Variants in C12orf42 observed in about 807,000 individuals in gnomAD.
The protein encoded by C12orf42 is uncharacterized protein C12orf42.
In C12orf42, 25 loss-of-function variants were observed where a neutral mutation model predicts 21.6. The ratio of observed to expected loss-of-function variants is 1.16; its 90% CI spans 0.84 to 1.62. C12orf42 has a LOEUF of 1.62. Ranked by LOEUF, C12orf42 falls within the 40% of genes most tolerant of loss-of-function variation. The pLI is 0.00. For synonymous variants in C12orf42, 174 were observed against 175.0 expected (o/e 0.99, Z 0.05); for missense variants, 483 against 459.3 (o/e 1.05, Z -0.47).
chr12:103,498,329 A>G (rs949653446), upstream of C12orf42, among the ~76,000 whole-genome samples: 1 of 152,286 alleles, frequency 6.6e-6, no homozygotes, highest in African/African-American at 2.4e-5. Flanking sequence ...TATGGCACAT[A>G]GCAGATGCTC....
At chr12:103,396,153 T>C (rs2047514191) in intron 3 of C12orf42, among the ~76,000 whole-genome samples, 1 of 151,966 alleles carries the variant, frequency 6.6e-6, no homozygotes, top group Non-Finnish European at 1.5e-5. Context: ...AAATCTCATC[T>C]TAAATTGTAA....
chr12:103,072,011 A>G, the C12orf42 span, among the ~76,000 whole-genome samples: 2 of 152,272 alleles, frequency 1.3e-5, no homozygotes, highest in African/African-American at 4.8e-5. Context: ...CATCATCTCT[A>G]TCTGTTCCTG....
chr12:103,373,159 T>C (rs1490416468), intron 3 of C12orf42, among the ~76,000 whole-genome samples: 1 of 152,156 alleles, frequency 6.6e-6, no homozygotes, highest in East Asian at 1.9e-4. Context: ...CTTTTTTCTT[T>C]TAAGATGTGC....
intron 4 of C12orf42, among the ~76,000 whole-genome samples, chr12:103,320,904 A>T (rs2040022492): frequency 6.6e-6 from 1 of 152,174 alleles, no homozygotes; most frequent in Non-Finnish European, 1.5e-5. Context: ...TTTAAAAAAA[A>T]ATAGTTGTAA....
At chr12:103,332,497 C>A (rs1031924135) in intron 4 of C12orf42, among the ~76,000 whole-genome samples, 12 of 152,234 alleles carry the variant, frequency 7.9e-5, no homozygotes, top group Non-Finnish European at 1.8e-4. Context: ...GCTGTAATAG[C>A]CACCCGAGTC....
the C12orf42 span, among the ~76,000 whole-genome samples, chr12:103,560,367 A>G: frequency 7.6e-5 from 11 of 145,186 alleles, no homozygotes; most frequent in East Asian, 2.0e-4. Context: ...TCTGATGCTT[A>G]CTAGCCAAGT....
At chr12:103,228,763 G>C in the C12orf42 span, among the ~76,000 whole-genome samples, 1 of 151,572 alleles carries the variant, frequency 6.6e-6, no homozygotes, top group Non-Finnish European at 1.5e-5. Context: ...TCCTGTCTCT[G>C]TATGGATGGA....
At chr12:103,103,968 T>C in the C12orf42 span, among the ~76,000 whole-genome samples, 4 of 152,160 alleles carry the variant, frequency 2.6e-5, no homozygotes, top group Non-Finnish European at 5.9e-5. Context: ...GCCCAATAGC[T>C]CACATTTATT....
chr12:103,453,381 G>A (rs1952081354), intron 2 of C12orf42, among the ~76,000 whole-genome samples: 1 of 151,564 alleles, frequency 6.6e-6, no homozygotes, highest in Non-Finnish European at 1.5e-5. Context: ...ACTCATCTCT[G>A]TGTCTGTAAT....
the C12orf42 span, among the ~76,000 whole-genome samples, chr12:103,092,169 A>C: frequency 6.6e-6 from 1 of 152,216 alleles, no homozygotes; most frequent in African/African-American, 2.4e-5. Flanking sequence ...AGGACTCAAG[A>C]GATTTCTATT....
At chr12:103,440,476 A>G (rs952971549) in intron 2 of C12orf42, among the ~76,000 whole-genome samples, 11 of 146,930 alleles carry the variant, frequency 7.5e-5, no homozygotes, top group South Asian at 2.1e-4. Context: ...AAAAAAAAAA[A>G]AAAGAAACTC....
the C12orf42 span, among the ~76,000 whole-genome samples, chr12:103,226,911 G>T: frequency 3.9e-5 from 6 of 152,280 alleles, no homozygotes; most frequent in South Asian, 1.2e-3. Flanking sequence ...ATGCCTGGAC[G>T]TCAGGCACCT....
At chr12:103,449,799 C>G (rs536568708) in intron 2 of C12orf42, among the ~76,000 whole-genome samples, 9 of 149,678 alleles carry the variant, frequency 6.0e-5, no homozygotes, top group Non-Finnish European at 1.2e-4. Flanking sequence ...TTTTCTAGTT[C>G]CATTTGAAAA....
At chr12:103,431,856 G>A (rs1478059339) in intron 2 of C12orf42, among the ~76,000 whole-genome samples, 1 of 152,188 alleles carries the variant, frequency 6.6e-6, no homozygotes, top group Non-Finnish European at 1.5e-5. Context: ...GCCTCCTCAG[G>A]AGAAAGAATT....
intron 2 of C12orf42, among the ~76,000 whole-genome samples, chr12:103,457,289 G>C (rs1464636659): frequency 6.6e-6 from 1 of 152,182 alleles, no homozygotes; most frequent in Admixed American, 6.6e-5. Context: ...ATTTTCCCAA[G>C]GGGGAAGAAA....
downstream of C12orf42, chr12:103,301,861 T>G: frequency 4.1e-6 from 2 of 487,416 alleles, no homozygotes; most frequent in East Asian, 3.7e-5. Flanking sequence ...CCATCCCTAT[T>G]GTGAGGCACA....
At chr12:103,262,529 C>T (rs993841405) in intron 10 of C12orf42, 15 of 152,128 alleles carry the variant, frequency 9.9e-5, no homozygotes, top group African/African-American at 3.6e-4. Context: ...ATGATCAGTA[C>T]TTTTATTTTC....
chr12:103,071,829 A>G, the C12orf42 span, among the ~76,000 whole-genome samples: 1 of 152,168 alleles, frequency 6.6e-6, no homozygotes, highest in Non-Finnish European at 1.5e-5. Context: ...GGACAGACTA[A>G]TACAGACATC....
intron 4 of C12orf42, among the ~76,000 whole-genome samples, chr12:103,292,049 A>T (rs1264483020): frequency 6.6e-6 from 1 of 152,176 alleles, no homozygotes; most frequent in Non-Finnish European, 1.5e-5. Context: ...GGATAAACAA[A>T]ATGTGGTATG....
Sources: gnomAD v4.1 joint callset for allele counts (sites outside exome capture counted in the v4.1 genomes callset) on GRCh38, gnomAD v4.1.1 for gene constraint, MANE v1.5 for transcripts, NCBI Gene and HGNC (gene_info 2026-07-23, HGNC 2026-07-21) for gene names.